The following CDKAL1 variants were observed in gnomAD, a reference collection of about 807,000 sequenced individuals.
CDKAL1 encodes the protein threonylcarbamoyladenosine tRNA methylthiotransferase.
CDKAL1 carries 32 observed loss-of-function variants against 68.2 expected under a neutral mutation model. The ratio of observed to expected loss-of-function variants is 0.47; its 90% CI spans 0.35 to 0.63. The LOEUF (loss-of-function observed/expected upper bound fraction) is 0.63, where lower values mean the gene tolerates loss of function less well. CDKAL1 is among the 30% of genes least tolerant of loss of function. The pLI, the probability that CDKAL1 is intolerant of heterozygous loss-of-function variation, is 0.00. For synonymous variants in CDKAL1, 234 were observed against 244.3 expected, an observed-to-expected ratio of 0.96 and a Z score of 0.39; for missense variants, 606 against 696.7, an observed-to-expected ratio of 0.87 and a Z score of 1.47.
chr6:20,608,602 C>G (rs1766438417), intron 4 of CDKAL1, among the ~76,000 whole-genome samples: 1 of 152,142 alleles, frequency 6.6e-6, no homozygotes, highest in Non-Finnish European at 1.5e-5. Flanking sequence ...AGAGAGGAAG[C>G]CAATTATTTT....
chr6:21,228,811 G>A (rs1037018375), intron 15 of CDKAL1, among the ~76,000 whole-genome samples: 14 of 152,140 alleles, frequency 9.2e-5, no homozygotes, highest in African/African-American at 3.4e-4. Flanking sequence ...TGTGAGTGCT[G>A]TCCTTGAGAT....
intron 13 of CDKAL1, among the ~76,000 whole-genome samples, chr6:21,147,428 C>T (rs1776232004): frequency 6.6e-6 from 1 of 152,038 alleles, no homozygotes; most frequent in Non-Finnish European, 1.5e-5. Flanking sequence ...TTCTGGACTC[C>T]GTGGGAGATC....
chr6:20,677,828 T>TG (rs1305674205), intron 5 of CDKAL1, among the ~76,000 whole-genome samples: 1 of 152,218 alleles, frequency 6.6e-6, no homozygotes, highest in African/African-American at 2.4e-5. Context: ...ATGCATAGTG[T>TG]GCTCAATATC....
intron 10 of CDKAL1, among the ~76,000 whole-genome samples, chr6:20,978,262 G>A (rs1255640361): frequency 6.6e-6 from 1 of 152,204 alleles, no homozygotes; most frequent in Non-Finnish European, 1.5e-5. Context: ...CAACCAATGA[G>A]TAGCTCTTCA....
intron 4 of CDKAL1, among the ~76,000 whole-genome samples, chr6:20,619,057 G>T (rs1222221942): frequency 6.6e-6 from 1 of 152,038 alleles, no homozygotes; most frequent in South Asian, 2.1e-4. Context: ...ATAAATTTCA[G>T]TTTAGATTAT....
chr6:21,116,596 G>A (rs1774425151), intron 13 of CDKAL1, among the ~76,000 whole-genome samples: 1 of 152,010 alleles, frequency 6.6e-6, no homozygotes, highest in Non-Finnish European at 1.5e-5. Flanking sequence ...ATGGACAGGT[G>A]GGGTCACAGT....
chr6:20,822,013 C>G (rs1179081359), intron 8 of CDKAL1, among the ~76,000 whole-genome samples: 1 of 152,158 alleles, frequency 6.6e-6, no homozygotes, highest in Non-Finnish European at 1.5e-5. Context: ...TTAATTGCAA[C>G]AGAACCATGC....
intron 11 of CDKAL1, among the ~76,000 whole-genome samples, chr6:21,042,624 C>A (rs1769994048): frequency 6.6e-6 from 1 of 152,194 alleles, no homozygotes; most frequent in South Asian, 2.1e-4. Context: ...TCTTCTTACA[C>A]TCCTTCCCCT....
chr6:20,691,592 C>T (rs62397648), intron 5 of CDKAL1, among the ~76,000 whole-genome samples: 5,695 of 151,992 alleles, frequency 0.037, 114 homozygotes, highest in Middle Eastern at 0.078. Flanking sequence ...CCTCTCTTAC[C>T]GTGTATCCTC....
intron 8 of CDKAL1, among the ~76,000 whole-genome samples, chr6:20,805,392 T>C (rs917361914): frequency 3.3e-5 from 5 of 152,214 alleles, no homozygotes; most frequent in African/African-American, 1.2e-4. Context: ...TACAACTAAC[T>C]CCACAGTGTT....
At chr6:20,980,419 A>T (rs956381998) in intron 10 of CDKAL1, among the ~76,000 whole-genome samples, 4 of 152,000 alleles carry the variant, frequency 2.6e-5, no homozygotes, top group African/African-American at 9.7e-5. Context: ...TTGTATTTTT[A>T]GTAGAGACAG....
chr6:20,915,235 G>A (rs766641864), intron 9 of CDKAL1, among the ~76,000 whole-genome samples: 5 of 151,540 alleles, frequency 3.3e-5, no homozygotes, highest in African/African-American at 4.8e-5. Context: ...CTATTTCCCA[G>A]TCTTAGGAGA....
chr6:21,190,904 A>T (rs1778210774), intron 13 of CDKAL1, among the ~76,000 whole-genome samples: 1 of 152,230 alleles, frequency 6.6e-6, no homozygotes, highest in Admixed American at 6.5e-5. Flanking sequence ...ATTGATTGAC[A>T]TTATTTTCCA....
chr6:20,635,583 A>G (rs1767868790), intron 4 of CDKAL1, among the ~76,000 whole-genome samples: 1 of 152,186 alleles, frequency 6.6e-6, no homozygotes, highest in Non-Finnish European at 1.5e-5. Context: ...TCCTTTGAGC[A>G]TCCTGCGGTT....
intron 5 of CDKAL1, among the ~76,000 whole-genome samples, chr6:20,699,186 C>T (rs1771235937): frequency 6.6e-6 from 1 of 151,960 alleles, no homozygotes; most frequent in Non-Finnish European, 1.5e-5. Context: ...TGGTTTATCC[C>T]TTAATAAATG....
chr6:21,162,555 A>G (rs945515925), intron 13 of CDKAL1, among the ~76,000 whole-genome samples: 2 of 152,212 alleles, frequency 1.3e-5, no homozygotes, highest in African/African-American at 2.4e-5. Flanking sequence ...AGTAAAAACA[A>G]AAGCCACCTG....
chr6:20,983,708 G>A (rs752695805), intron 10 of CDKAL1, among the ~76,000 whole-genome samples: 7 of 152,136 alleles, frequency 4.6e-5, no homozygotes, highest in Non-Finnish European at 7.3e-5. Flanking sequence ...GCAACAGAGC[G>A]AGATGCCGTC....
intron 10 of CDKAL1, among the ~76,000 whole-genome samples, chr6:20,959,590 T>C (rs184386301): frequency 4.6e-4 from 70 of 152,134 alleles, no homozygotes; most frequent in African/African-American, 1.6e-3. Flanking sequence ...AATGTTTACA[T>C]TACCTTTTTC....
At chr6:21,138,993 A>G (rs1775764030) in intron 13 of CDKAL1, among the ~76,000 whole-genome samples, 1 of 152,224 alleles carries the variant, frequency 6.6e-6, no homozygotes, top group South Asian at 2.1e-4. Context: ...TCAAGAGAGA[A>G]TGTGAGAGGC....
Sources: allele counts gnomAD v4.1 joint callset (sites outside exome capture counted in the v4.1 genomes callset), GRCh38; gene constraint gnomAD v4.1.1; transcripts MANE v1.5; gene names NCBI Gene and HGNC (gene_info 2026-07-23, HGNC 2026-07-21).